Variants in KCNH1 observed in about 807,000 individuals in gnomAD.
KCNH1 encodes voltage-gated delayed rectifier potassium channel KCNH1.
In KCNH1, 27 loss-of-function variants were observed where a neutral mutation model predicts 69.2. The observed-to-expected ratio is 0.39, with a 90% CI of 0.29 to 0.54. KCNH1 has a LOEUF of 0.54. KCNH1 is among the 20% of genes least tolerant of loss of function. The pLI is 0.68. For missense variants in KCNH1, 798 were observed against 1,261.6 expected, an observed-to-expected ratio of 0.63 and a Z score of 5.57; for synonymous variants, 456 against 487.7, an observed-to-expected ratio of 0.93 and a Z score of 0.86.
chr1:210,760,119 T>A (rs1009977842), intron 10 of KCNH1, among the ~76,000 whole-genome samples: 2 of 152,084 alleles, frequency 1.3e-5, no homozygotes, highest in African/African-American at 4.8e-5. Context: ...ATGGAAAAAT[T>A]GTCTTCCATA....
At chr1:210,883,768 C>T (rs531861010) in intron 7 of KCNH1, among the ~76,000 whole-genome samples, 18 of 152,288 alleles carry the variant, frequency 1.2e-4, no homozygotes, top group Non-Finnish European at 2.1e-4. Flanking sequence ...TTTTCATTAA[C>T]GCCAAGCAAG....
chr1:211,129,435 A>T (rs1051413173), intron 1 of KCNH1, among the ~76,000 whole-genome samples: 1 of 152,232 alleles, frequency 6.6e-6, no homozygotes, highest in African/African-American at 2.4e-5. Context: ...GATTACTAAA[A>T]TAAATGGGTT....
intron 3 of KCNH1, among the ~76,000 whole-genome samples, chr1:211,094,641 C>T (rs1176485861): frequency 6.6e-6 from 1 of 152,212 alleles, no homozygotes; most frequent in Non-Finnish European, 1.5e-5. Flanking sequence ...GCCATTGCAT[C>T]GCTCCACTCC....
At chr1:210,843,320 A>G (rs1685462946) in intron 7 of KCNH1, among the ~76,000 whole-genome samples, 1 of 152,184 alleles carries the variant, frequency 6.6e-6, no homozygotes, top group South Asian at 2.1e-4. Flanking sequence ...ATGCTGAGCA[A>G]TCACCCAGAA....
intron 10 of KCNH1, among the ~76,000 whole-genome samples, chr1:210,694,993 G>C (rs1681607048): frequency 6.6e-6 from 1 of 152,236 alleles, no homozygotes; most frequent in South Asian, 2.1e-4. Flanking sequence ...AATGAGAAAG[G>C]GAAGGGGGAT....
At chr1:211,075,300 G>A (rs1690713565) in intron 5 of KCNH1, among the ~76,000 whole-genome samples, 2 of 152,162 alleles carry the variant, frequency 1.3e-5, no homozygotes, top group African/African-American at 2.4e-5. Flanking sequence ...CTCCACTGTT[G>A]ACAAAAGCTT....
At chr1:211,067,853 C>A (rs773252099) in intron 5 of KCNH1, among the ~76,000 whole-genome samples, 2 of 152,200 alleles carry the variant, frequency 1.3e-5, no homozygotes, top group African/African-American at 2.4e-5. Context: ...CACCACTTAC[C>A]ACCAGGTGAC....
intron 7 of KCNH1, among the ~76,000 whole-genome samples, chr1:210,892,565 A>C (rs868565789): frequency 6.6e-6 from 1 of 152,192 alleles, no homozygotes; most frequent in East Asian, 1.9e-4. Flanking sequence ...CTATGTAAAA[A>C]TGTATGAGTT....
chr1:210,994,522 G>A (rs928675123), intron 6 of KCNH1, among the ~76,000 whole-genome samples: 2 of 152,220 alleles, frequency 1.3e-5, no homozygotes, highest in African/African-American at 2.4e-5. Context: ...GGAGATGGTA[G>A]TCTGTGCAGG....
chr1:211,131,446 G>A (rs1691874642), intron 1 of KCNH1, among the ~76,000 whole-genome samples: 1 of 152,106 alleles, frequency 6.6e-6, no homozygotes, highest in Non-Finnish European at 1.5e-5. Flanking sequence ...AATATTCCTA[G>A]GACTCAGTTT....
At chr1:211,115,700 C>CATATATATATATATAT (rs1558611335) in intron 1 of KCNH1, among the ~76,000 whole-genome samples, 19 of 53,956 alleles carry the variant, frequency 3.5e-4, no homozygotes, top group Admixed American at 1.2e-3. Flanking sequence ...AATAAACTCC[C>CATATATATATATATAT]CTATATATAT....
chr1:210,742,732 T>G (rs908351624), intron 10 of KCNH1, among the ~76,000 whole-genome samples: 2 of 152,110 alleles, frequency 1.3e-5, no homozygotes, highest in Non-Finnish European at 2.9e-5. Context: ...TGGAAGGCAA[T>G]CATATCTGGG....
chr1:210,987,182 C>T (rs945196684), intron 6 of KCNH1, among the ~76,000 whole-genome samples: 15 of 152,104 alleles, frequency 9.9e-5, no homozygotes, highest in African/African-American at 3.4e-4. Context: ...GTTAGCCATT[C>T]GTCTAATTTT....
At chr1:210,831,620 T>C (rs1162150088) in intron 7 of KCNH1, among the ~76,000 whole-genome samples, 4 of 152,164 alleles carry the variant, frequency 2.6e-5, no homozygotes, top group Admixed American at 2.6e-4. Flanking sequence ...AGAAATCATC[T>C]CCTCATACTT....
chr1:210,835,524 G>T (rs536326363), intron 7 of KCNH1, among the ~76,000 whole-genome samples: 101 of 152,188 alleles, frequency 6.6e-4, no homozygotes, highest in Non-Finnish European at 1.2e-3. Context: ...TGTCTTCCAG[G>T]CAGTCCTAGA....
At chr1:210,926,414 T>C (rs1046968648) in intron 6 of KCNH1, among the ~76,000 whole-genome samples, 1 of 152,162 alleles carries the variant, frequency 6.6e-6, no homozygotes, top group Non-Finnish European at 1.5e-5. Flanking sequence ...CTCCCCAGTA[T>C]GATCCGGAGC....
intron 8 of KCNH1, among the ~76,000 whole-genome samples, chr1:210,801,224 A>G (rs1558475404): frequency 1.3e-5 from 2 of 152,228 alleles, no homozygotes; most frequent in African/African-American, 4.8e-5. Context: ...GACAAGTGAT[A>G]TGCTCAAAGT....
chr1:210,912,788 TGGTTCCAAAATGTA>T (rs1376975342), intron 7 of KCNH1, among the ~76,000 whole-genome samples: 1 of 152,178 alleles, frequency 6.6e-6, no homozygotes, highest in Non-Finnish European at 1.5e-5. Context: ...CAGAACTGAC[TGGTTCCAAAATGTA>T]GGCTCTTTCC....
At chr1:211,077,201 G>A (rs1217881856) in intron 5 of KCNH1, among the ~76,000 whole-genome samples, 1 of 152,170 alleles carries the variant, frequency 6.6e-6, no homozygotes, top group Non-Finnish European at 1.5e-5. Flanking sequence ...ATATTATCCA[G>A]GAGAACTTCC....
Sources: gnomAD v4.1 joint callset for allele counts (sites outside exome capture counted in the v4.1 genomes callset) on GRCh38, gnomAD v4.1.1 for gene constraint, MANE v1.5 for transcripts, NCBI Gene and HGNC (gene_info 2026-07-23, HGNC 2026-07-21) for gene names.